H2BN1: variants seen among roughly 807,000 people sequenced by gnomAD.
H2BN1 encodes the protein histone H2B.N.
chr17:32,904,589 A>G, the H2BN1 span, among the ~76,000 whole-genome samples: 8 of 152,156 alleles, frequency 5.3e-5, no homozygotes, highest in East Asian at 1.5e-3. Flanking sequence ...TCTGCCTATG[A>G]CTCTTGAAAC....
chr17:32,904,230 C>T, the H2BN1 span, among the ~76,000 whole-genome samples: 5 of 152,174 alleles, frequency 3.3e-5, no homozygotes, highest in Non-Finnish European at 7.3e-5. Flanking sequence ...AACTCAGTCT[C>T]TCATTTATCT....
chr17:32,898,076 A>G, the H2BN1 span, among the ~76,000 whole-genome samples: 1 of 152,150 alleles, frequency 6.6e-6, no homozygotes, highest in Non-Finnish European at 1.5e-5. Flanking sequence ...TTCTCATCCC[A>G]AGAAACTGCT....
At chr17:32,906,225 T>C in the H2BN1 span, 1 of 152,238 alleles carries the variant, frequency 6.6e-6, no homozygotes, top group African/African-American at 2.4e-5. Flanking sequence ...TCCTGGGTCT[T>C]GTATGCACTA....
At chr17:32,903,209 TACA>T in the H2BN1 span, among the ~76,000 whole-genome samples, 1 of 151,504 alleles carries the variant, frequency 6.6e-6, no homozygotes, top group African/African-American at 2.4e-5. Flanking sequence ...ATATTATATA[TACA>T]ACACATAAAT....
At chr17:32,899,287 A>G in the H2BN1 span, among the ~76,000 whole-genome samples, 1 of 152,234 alleles carries the variant, frequency 6.6e-6, no homozygotes, top group Admixed American at 6.5e-5. Context: ...CTTAGATAAG[A>G]GTTTTTAAAA....
the H2BN1 span, among the ~76,000 whole-genome samples, chr17:32,902,315 T>A: frequency 6.6e-6 from 1 of 152,170 alleles, no homozygotes; most frequent in African/African-American, 2.4e-5. Context: ...GAGACAGTGA[T>A]CTCAGTTTTA....
chr17:32,904,075 A>T, the H2BN1 span, among the ~76,000 whole-genome samples: 25 of 151,966 alleles, frequency 1.6e-4, no homozygotes, highest in African/African-American at 5.6e-4. Context: ...TCTTTTTTTT[A>T]AATTAATTTT....
chr17:32,897,358 T>TAC, the H2BN1 span, among the ~76,000 whole-genome samples: 14,516 of 123,904 alleles, frequency 0.12, 970 homozygotes, highest in Middle Eastern at 0.2. Flanking sequence ...CTCTCTGTCT[T>TAC]ACACACACAC....
At chr17:32,898,850 T>C in the H2BN1 span, among the ~76,000 whole-genome samples, 1 of 152,352 alleles carries the variant, frequency 6.6e-6, no homozygotes, top group Non-Finnish European at 1.5e-5. Context: ...GTGGCTTATG[T>C]ATGTAAATAG....
At chr17:32,903,438 G>C in the H2BN1 span, among the ~76,000 whole-genome samples, 1 of 152,112 alleles carries the variant, frequency 6.6e-6, no homozygotes, top group Non-Finnish European at 1.5e-5. Context: ...GAAAAAGTCT[G>C]TGTTAGAGGG....
At chr17:32,895,916 G>A in the H2BN1 span, among the ~76,000 whole-genome samples, 2 of 151,156 alleles carry the variant, frequency 1.3e-5, no homozygotes, top group Admixed American at 1.3e-4. Context: ...CCTTTTTTTT[G>A]AGATGGGGTC....
chr17:32,898,969 A>G, the H2BN1 span, among the ~76,000 whole-genome samples: 7 of 152,196 alleles, frequency 4.6e-5, no homozygotes, highest in Non-Finnish European at 1.0e-4. Flanking sequence ...GATGTGGGGG[A>G]AGAAAAAATT....
chr17:32,905,098 C>A, the H2BN1 span, among the ~76,000 whole-genome samples: 8 of 152,108 alleles, frequency 5.3e-5, no homozygotes, highest in Non-Finnish European at 8.8e-5. Context: ...TTCTACCATC[C>A]TAGAAGCAGG....
At chr17:32,901,177 A>C in the H2BN1 span, among the ~76,000 whole-genome samples, 2 of 152,174 alleles carry the variant, frequency 1.3e-5, no homozygotes, top group African/African-American at 4.8e-5. Context: ...ACTGCACTCC[A>C]GCCTGGGTGA....
chr17:32,895,492 C>A, the H2BN1 span, among the ~76,000 whole-genome samples: 2 of 152,110 alleles, frequency 1.3e-5, no homozygotes, highest in Non-Finnish European at 2.9e-5. Flanking sequence ...AGCTTTATTT[C>A]CCAGTCAAAA....
At chr17:32,896,538 C>T in the H2BN1 span, among the ~76,000 whole-genome samples, 7 of 152,136 alleles carry the variant, frequency 4.6e-5, no homozygotes, top group African/African-American at 1.4e-4. Context: ...TGAGTGTTCA[C>T]GTGTGTCATA....
At chr17:32,896,415 A>C in the H2BN1 span, among the ~76,000 whole-genome samples, 1 of 152,186 alleles carries the variant, frequency 6.6e-6, no homozygotes, top group Non-Finnish European at 1.5e-5. Flanking sequence ...AGAAATTGGT[A>C]GAAAACAATC....
the H2BN1 span, among the ~76,000 whole-genome samples, chr17:32,895,532 G>A: frequency 6.6e-6 from 1 of 152,250 alleles, no homozygotes; most frequent in Non-Finnish European, 1.5e-5. Flanking sequence ...CTCAGCCACT[G>A]GGAAGAAGAG....
chr17:32,901,401 C>T, the H2BN1 span, among the ~76,000 whole-genome samples: 2 of 152,044 alleles, frequency 1.3e-5, no homozygotes, highest in African/African-American at 4.8e-5. Context: ...TATTTTATCT[C>T]TCAAAATCAG....
Sources: allele counts gnomAD v4.1 joint callset (sites outside exome capture counted in the v4.1 genomes callset), GRCh38; gene constraint gnomAD v4.1.1; transcripts MANE v1.5; gene names NCBI Gene and HGNC (gene_info 2026-07-23, HGNC 2026-07-21).